EPHA6: variants seen among roughly 807,000 people sequenced by gnomAD.
The protein encoded by EPHA6 is EPH receptor A6.
In EPHA6, 50 loss-of-function variants were observed where a neutral mutation model predicts 112.0. The observed-to-expected ratio is 0.45, with a 90% CI of 0.36 to 0.56. The LOEUF is 0.56. Ranked by LOEUF, EPHA6 falls within the 20% of genes least tolerant of loss-of-function variation. The pLI, the probability that EPHA6 is intolerant of heterozygous loss-of-function variation, is 0.00. For missense variants in EPHA6, 1,280 were observed against 1,417.4 expected (o/e 0.90, Z 1.56); for synonymous variants, 529 against 490.7 (o/e 1.08, Z -1.03).
intron 5 of EPHA6, among the ~76,000 whole-genome samples, chr3:97,342,298 T>TTAAA: frequency 6.6e-6 from 1 of 152,338 alleles, no homozygotes; most frequent in African/African-American, 2.4e-5. Flanking sequence ...GTTCACCCTT[T>TTAAA]TAAATTTTAC....
At chr3:97,457,937 G>A (rs1334923916) in intron 7 of EPHA6, among the ~76,000 whole-genome samples, 1 of 151,714 alleles carries the variant, frequency 6.6e-6, no homozygotes, top group African/African-American at 2.4e-5. Context: ...GCGTGGTAGC[G>A]GGCGCCAGTA....
chr3:97,329,700 G>C (rs528796208), intron 5 of EPHA6, among the ~76,000 whole-genome samples: 186 of 152,180 alleles, frequency 1.2e-3, no homozygotes, highest in Non-Finnish European at 2.3e-3. Context: ...TGAGTTCATT[G>C]TAGATTCTGA....
chr3:97,304,867 A>G (rs1208311643), intron 5 of EPHA6, among the ~76,000 whole-genome samples: 1 of 152,132 alleles, frequency 6.6e-6, no homozygotes, highest in Non-Finnish European at 1.5e-5. Flanking sequence ...AGCAATTGCA[A>G]CAAAAGCAAA....
intron 5 of EPHA6, among the ~76,000 whole-genome samples, chr3:97,329,272 A>C (rs1291736580): frequency 4.6e-5 from 7 of 151,370 alleles, no homozygotes; most frequent in African/African-American, 1.7e-4. Context: ...TGCCGCAATA[A>C]ACATACGTGT....
At position 97,753,010 on chromosome 3, in the gene EPHA6, AG is replaced by A. The variant is rs1359166100; in HGVS notation, c.*4311del. 6.6e-6 allele frequency among the ~76,000 whole-genome samples: 1 copy of A among 152,160 alleles called. No homozygotes were observed. Among genetic ancestry groups the A allele is most frequent in the African/African-American group, 2.4e-5 (1 of 41,462 alleles). Reference sequence around the variant, plus strand: ...TATTTTTTAATATGAAGACTCCAAAAGGTAGAGGAGTACACTGGGTTAAATG... The same window carrying A: ...TATTTTTTAATATGAAGACTCCAAAAGTAGAGGAGTACACTGGGTTAAATG... On this transcript the variant is annotated 3_prime_UTR_variant, in exon 18 of 18. Transcript: ENST00000389672.
intron 3 of EPHA6, among the ~76,000 whole-genome samples, chr3:97,172,637 G>T (rs941229373): frequency 6.6e-6 from 1 of 151,776 alleles, no homozygotes; most frequent in Non-Finnish European, 1.5e-5. Flanking sequence ...TTTAAGTGTC[G>T]CTTCTGGCCC....
At chr3:97,548,343 A>C (rs2092985761) in intron 11 of EPHA6, among the ~76,000 whole-genome samples, 1 of 152,184 alleles carries the variant, frequency 6.6e-6, no homozygotes, top group Non-Finnish European at 1.5e-5. Flanking sequence ...ATTCGTGAGG[A>C]TGTTAGCATG....
chr3:97,077,743 A>C (rs1358227742), intron 3 of EPHA6, among the ~76,000 whole-genome samples: 4 of 152,114 alleles, frequency 2.6e-5, no homozygotes, highest in Admixed American at 1.3e-4. Flanking sequence ...TTATGGCTGC[A>C]TGGTATTCCA....
In EPHA6 at chr3:97,645,747, A is replaced by G. The variant is rs563755492; in HGVS notation, c.2784+7665A>G. On this transcript the variant is annotated intron_variant, in intron 14 of 17. Transcript: ENST00000389672. Reference sequence around the variant, plus strand: ...TAAAGAGAAAATTCCCTTGATACGTATATATTTTACGTATAATTCAGTTTT... The same window carrying G: ...TAAAGAGAAAATTCCCTTGATACGTGTATATTTTACGTATAATTCAGTTTT... Among the ~76,000 whole-genome samples the G allele has an allele frequency of 8.3e-4, 126 of 152,204 alleles. 1 individual carries two copies. Among genetic ancestry groups the G allele is most frequent in the African/African-American group, 2.9e-3 (120 of 41,540 alleles).
chr3:97,419,268 A>G (rs904413037), intron 6 of EPHA6, among the ~76,000 whole-genome samples: 6 of 151,780 alleles, frequency 4.0e-5, no homozygotes, highest in Admixed American at 3.3e-4. Context: ...CTGCCATTGC[A>G]CTCTAGCCTG....
intron 5 of EPHA6, among the ~76,000 whole-genome samples, chr3:97,365,019 T>C (rs950637451): frequency 3.3e-5 from 5 of 152,188 alleles, no homozygotes; most frequent in African/African-American, 1.2e-4. Context: ...GAATTGCATG[T>C]TAACAAAACA....
rs1444436958 is a variant in EPHA6, at chr3:97,020,131, A to T, written c.1114+32138A>T. ...TGCTTGCTCTATTATACCTCTGTCA[A>T]TACCAGGAGCTTTCCTAGTGTTTTC... On this transcript the variant is annotated intron_variant, in intron 3 of 17. Transcript: ENST00000389672. 3.9e-5 allele frequency among the ~76,000 whole-genome samples: 6 copies of T among 152,236 alleles called. No individual in the cohort carries two copies. The East Asian group carries it at 1.2e-3, about 29-fold the overall frequency.
chr3:97,602,063 T>C (rs567580845), intron 12 of EPHA6, among the ~76,000 whole-genome samples: 1 of 152,180 alleles, frequency 6.6e-6, no homozygotes, highest in South Asian at 2.1e-4. Context: ...CTTTCTCTAG[T>C]GTCTTCCCCA....
intron 3 of EPHA6, among the ~76,000 whole-genome samples, chr3:97,209,101 T>G (rs1427336459): frequency 1.3e-5 from 2 of 152,192 alleles, no homozygotes; most frequent in East Asian, 3.8e-4. Flanking sequence ...CTCTGCTTTG[T>G]CTGCAGTATT....
chr3:96,865,270 G>T (rs2036239576), intron 1 of EPHA6, among the ~76,000 whole-genome samples: 1 of 152,038 alleles, frequency 6.6e-6, no homozygotes, highest in South Asian at 2.1e-4. Flanking sequence ...TCTGAAAAAT[G>T]TATCAATAAA....
At chr3:97,217,702 G>A (rs1240797128) in intron 3 of EPHA6, among the ~76,000 whole-genome samples, 1 of 152,172 alleles carries the variant, frequency 6.6e-6, no homozygotes, top group African/African-American at 2.4e-5. Flanking sequence ...GAAGTTTTGT[G>A]TATGCCAATT....
chr3:96,836,866 T>G (rs551427527), intron 1 of EPHA6, among the ~76,000 whole-genome samples: 1 of 152,276 alleles, frequency 6.6e-6, no homozygotes, highest in Non-Finnish European at 1.5e-5. Context: ...GGAAAGTAAG[T>G]CTACCATTCT....
intron 14 of EPHA6, among the ~76,000 whole-genome samples, chr3:97,710,591 C>T (rs2033913419): frequency 6.6e-6 from 1 of 152,134 alleles, no homozygotes. Context: ...TGGGGTATTA[C>T]ATATATTAAA....
At chr3:97,583,660 T>C (rs570804571) in intron 11 of EPHA6, among the ~76,000 whole-genome samples, 28 of 152,144 alleles carry the variant, frequency 1.8e-4, no homozygotes, top group Non-Finnish European at 3.4e-4. Context: ...CAGAAAAATA[T>C]TCCATGTTCA....
Sources: gnomAD v4.1 joint callset for allele counts (sites outside exome capture counted in the v4.1 genomes callset) on GRCh38, gnomAD v4.1.1 for gene constraint, MANE v1.5 for transcripts, NCBI Gene and HGNC (gene_info 2026-07-23, HGNC 2026-07-21) for gene names.